The following RORA variants were observed in gnomAD, a reference collection of about 807,000 sequenced individuals.
RORA encodes nuclear receptor ROR-alpha.
Under a neutral mutation model 69.5 loss-of-function variants are expected in RORA, and 7 were observed. The observed-to-expected ratio is 0.10, with a 90% CI of 0.06 to 0.19. The LOEUF (loss-of-function observed/expected upper bound fraction) is 0.19, where lower values mean the gene tolerates loss of function less well. RORA is among the 10% of genes least tolerant of loss of function. The pLI, the probability that RORA is intolerant of heterozygous loss-of-function variation, is 1.00. For synonymous variants in RORA, 261 were observed against 240.8 expected, an observed-to-expected ratio of 1.08 and a Z score of -0.78; for missense variants, 457 against 663.0, an observed-to-expected ratio of 0.69 and a Z score of 3.41.
chr15:61,061,412 A>G lies in RORA; in HGVS notation c.166+167641T>C, dbSNP rs1029416535. 6.9e-6 allele frequency among the ~76,000 whole-genome samples: 1 copy of G among 145,238 alleles called. No homozygotes were observed. Among genetic ancestry groups the G allele is most frequent in the Non-Finnish European group, 1.5e-5 (1 of 64,976 alleles). On this transcript the variant is annotated intron_variant, in intron 1 of 10. Transcript: ENST00000335670. This position sits in a 1 kb window ranked among gnomAD's most constrained non-coding sequence, Gnocchi z 4.4. Reference sequence around the variant, plus strand: ...AAATAAATAAATACAAGGGCATCGCAGGAAGTCCTGATGTCAAGGTAATGC... The same window carrying G: ...AAATAAATAAATACAAGGGCATCGCGGGAAGTCCTGATGTCAAGGTAATGC...
chr15:61,123,782 C>T (rs1443895711), intron 1 of RORA, among the ~76,000 whole-genome samples: 7 of 150,780 alleles, frequency 4.6e-5, no homozygotes, highest in African/African-American at 1.7e-4. Flanking sequence ...CCCAGCCGGC[C>T]TCTGACCTGA....
chr15:60,592,383 T>C, intron 2 of RORA: 1 of 1,421,906 alleles, frequency 7.0e-7, no homozygotes, highest in East Asian at 3.2e-5. Context: ...GCGCCCGGGC[T>C]CACCTTTCAT....
At chr15:60,759,985 T>A (rs1258227995) in intron 1 of RORA, among the ~76,000 whole-genome samples, 1 of 152,220 alleles carries the variant, frequency 6.6e-6, no homozygotes, top group Non-Finnish European at 1.5e-5. Context: ...CTCAGTATTT[T>A]AAATTTTTTA....
At chr15:60,866,046 T>G (rs1174913033) in intron 1 of RORA, among the ~76,000 whole-genome samples, 1 of 152,242 alleles carries the variant, frequency 6.6e-6, no homozygotes. Context: ...TTTTCTGTGT[T>G]AGGAACATTC....
chr15:60,542,306 A>G (rs1166881821), intron 2 of RORA, among the ~76,000 whole-genome samples: 5 of 151,914 alleles, frequency 3.3e-5, no homozygotes, highest in African/African-American at 9.7e-5. Flanking sequence ...ACCATCTTAA[A>G]TGGTAACACA....
intron 2 of RORA, chr15:60,630,474 A>C (rs2069710391): frequency 6.6e-6 from 1 of 152,178 alleles, no homozygotes; most frequent in Admixed American, 6.5e-5. Context: ...GATAACAATG[A>C]CCTGTGTGTA....
chr15:61,078,782 T>TCTAG (rs2078492198), intron 1 of RORA, among the ~76,000 whole-genome samples: 1 of 151,108 alleles, frequency 6.6e-6, no homozygotes, highest in South Asian at 2.1e-4. Context: ...TATCTATCTA[T>TCTAG]CTATCCATCC....
At chr15:61,167,594 A>G (rs1262469184) in intron 1 of RORA, among the ~76,000 whole-genome samples, 1 of 150,384 alleles carries the variant, frequency 6.6e-6, no homozygotes, top group East Asian at 2.0e-4. Context: ...TGTGACCACC[A>G]GGTGGTGACA....
chr15:61,198,292 T>G (rs1596066048), intron 1 of RORA, among the ~76,000 whole-genome samples: 1 of 152,218 alleles, frequency 6.6e-6, no homozygotes, highest in East Asian at 1.9e-4. Context: ...TCGTGTAAAA[T>G]AAACCATTGT....
chr15:60,724,890 G>A (rs541797124), intron 1 of RORA, among the ~76,000 whole-genome samples: 1 of 152,210 alleles, frequency 6.6e-6, no homozygotes, highest in African/African-American at 2.4e-5. Context: ...CCAGGTCCTG[G>A]CTCCCTCCTC....
chr15:60,659,113 A>T (rs780784873), intron 2 of RORA, among the ~76,000 whole-genome samples: 10 of 152,236 alleles, frequency 6.6e-5, no homozygotes, highest in Non-Finnish European at 1.2e-4. Context: ...CATGTTCAAT[A>T]AAAGAAAAGA....
chr15:61,174,921 T>G (rs1371008157), intron 1 of RORA, among the ~76,000 whole-genome samples: 3 of 152,208 alleles, frequency 2.0e-5, no homozygotes, highest in African/African-American at 7.2e-5. Flanking sequence ...GTTAAATAAC[T>G]TGCCCACAGT....
chr15:60,638,700 T>G (rs1402080265), intron 2 of RORA, among the ~76,000 whole-genome samples: 1 of 152,218 alleles, frequency 6.6e-6, no homozygotes, highest in African/African-American at 2.4e-5. Flanking sequence ...AACTGCTATT[T>G]CTAAAGCTAA....
At chr15:61,136,424 T>C (rs916026918) in intron 1 of RORA, among the ~76,000 whole-genome samples, 5 of 152,190 alleles carry the variant, frequency 3.3e-5, no homozygotes, top group Non-Finnish European at 7.3e-5. Flanking sequence ...TATCAAATGT[T>C]TGGAGTCTCA....
chr15:61,040,348 G>T (rs886260144), intron 1 of RORA, among the ~76,000 whole-genome samples: 1 of 151,276 alleles, frequency 6.6e-6, no homozygotes, highest in African/African-American at 2.4e-5. Flanking sequence ...ATTGCAAAAA[G>T]AACAGTTTGG....
At chr15:61,208,653 G>A (rs1229309641) in intron 1 of RORA, among the ~76,000 whole-genome samples, 1 of 152,130 alleles carries the variant, frequency 6.6e-6, no homozygotes, top group Non-Finnish European at 1.5e-5. Flanking sequence ...TATCAGAGCT[G>A]GCAGGAAGCT....
At chr15:60,711,147 G>A (rs1333934346) in intron 1 of RORA, among the ~76,000 whole-genome samples, 1 of 152,142 alleles carries the variant, frequency 6.6e-6, no homozygotes, top group Non-Finnish European at 1.5e-5. Flanking sequence ...GGCCTCATAA[G>A]GACGGGTCAC....
At chr15:61,142,427 CACTA>C (rs2079308626) in intron 1 of RORA, among the ~76,000 whole-genome samples, 1 of 152,194 alleles carries the variant, frequency 6.6e-6, no homozygotes. Context: ...CTGACAAAGA[CACTA>C]ACAGACAAGC....
At chr15:61,079,699 T>A (rs1172232577) in intron 1 of RORA, among the ~76,000 whole-genome samples, 1 of 152,240 alleles carries the variant, frequency 6.6e-6, no homozygotes, top group Non-Finnish European at 1.5e-5. Context: ...GAAGGTATAA[T>A]GTGCTCTGCT....
Sources: gnomAD v4.1 joint callset for allele counts (sites outside exome capture counted in the v4.1 genomes callset) on GRCh38, gnomAD v4.1.1 for gene constraint, Gnocchi (gnomAD v3.1) non-coding constraint, MANE v1.5 for transcripts, NCBI Gene and HGNC (gene_info 2026-07-23, HGNC 2026-07-21) for gene names.